RNF43: variants seen among roughly 807,000 people sequenced by gnomAD.
RNF43 encodes the protein ring finger protein 43, also known as E3 ubiquitin-protein ligase RNF43.
Under a neutral mutation model 78.4 loss-of-function variants are expected in RNF43, and 37 were observed. That is an observed-to-expected ratio of 0.47 (90% CI 0.36 to 0.62). The LOEUF (loss-of-function observed/expected upper bound fraction) is 0.62, where lower values mean the gene tolerates loss of function less well. Ranked by LOEUF, RNF43 falls within the 20% of genes least tolerant of loss-of-function variation. The pLI is 0.00. For missense variants in RNF43, 774 were observed against 1,007.9 expected (o/e 0.77, Z 3.14); for synonymous variants, 347 against 395.0 (o/e 0.88, Z 1.44).
chr17:58,363,314 C>T lies in RNF43; in HGVS notation c.543G>A (p.Lys181=). Residue 181 remains lysine, a synonymous_variant, in exon 5 of 10, where the codon AAG becomes AAA. Transcript: ENST00000407977. ...CCTTCAGCTCAATCCTCACATGGGC[C>T]TTTTGGTTCTTGTACACAAACTCCA... ...KLMEFVYKNQ[K]AHVRIELKEP... is the part of the protein sequence containing the mutation. 3 of 1,614,152 alleles carry T rather than the reference C, an allele frequency of 1.9e-6. No homozygotes were observed. The highest frequency in any genetic ancestry group is 2.5e-6 in the Non-Finnish European group (3 of 1,180,028).
chr17:58,355,948 T>C (rs1435676423), intron 9 of RNF43, among the ~76,000 whole-genome samples: 1 of 152,122 alleles, frequency 6.6e-6, no homozygotes, highest in Non-Finnish European at 1.5e-5. Context: ...CTAGCCAAGA[T>C]ACAGTTAACA....
At chr17:58,370,870 G>C (rs1244805812) in intron 3 of RNF43, 41 bp downstream of exon 3, 1 of 1,522,162 alleles carries the variant, frequency 6.6e-7, no homozygotes, top group African/African-American at 1.4e-5. Flanking sequence ...CCCAGAGCTG[G>C]GTGAAGCTCC....
chr17:58,368,549 T>TA lies in RNF43; in HGVS notation c.375+2361dup, dbSNP rs1300899429. Among the ~76,000 whole-genome samples the TA allele has an allele frequency of 9.9e-3, 1,033 of 104,480 alleles. 7 individuals carry two copies. The highest frequency in any genetic ancestry group is 0.03 in the African/African-American group (842 of 27,704). 68.5% of individuals were successfully genotyped at this position (104,480 alleles called of 152,430 possible). A position where few individuals can be genotyped will look rare whatever the true frequency, so the allele number is the denominator to read the frequency against. Reference sequence around the variant, plus strand: ...GCAACAGAGCGAGACTCCATCTCGTTAAAAAAAAAAAAAATTAGCTGGGTA... The same window carrying TA: ...GCAACAGAGCGAGACTCCATCTCGTTAAAAAAAAAAAAAAATTAGCTGGGTA... On this transcript the variant is annotated intron_variant, in intron 3 of 9. Transcript: ENST00000407977.
At chr17:58,356,573 G>A (rs201816827) in intron 9 of RNF43, among the ~76,000 whole-genome samples, 2 of 152,288 alleles carry the variant, frequency 1.3e-5, no homozygotes, top group East Asian at 3.9e-4. Flanking sequence ...ATGATGTGTT[G>A]AAGGGAAGTC....
At chr17:58,415,173 A>G (rs1233524953) in intron 2 of RNF43, among the ~76,000 whole-genome samples, 153 bp downstream of exon 2, 1 of 152,214 alleles carries the variant, frequency 6.6e-6, no homozygotes, top group Non-Finnish European at 1.5e-5. Context: ...ATAATTTGCT[A>G]AATTTAGAAT....
At chr17:58,392,508 T>C (rs2680694) in intron 2 of RNF43, among the ~76,000 whole-genome samples, 128,792 of 152,258 alleles carry the variant, frequency 0.85, 54,801 homozygotes, top group East Asian at 1. Flanking sequence ...ACAACTAAGA[T>C]GTATAAATCT....
intron 2 of RNF43, among the ~76,000 whole-genome samples, chr17:58,408,579 T>C (rs1018846516): frequency 6.6e-6 from 1 of 152,174 alleles, no homozygotes; most frequent in African/African-American, 2.4e-5. Flanking sequence ...AAAAATCCTG[T>C]GTAAAGGAGC....
intron 3 of RNF43, 34 bp from the exon 4 acceptor site, chr17:58,363,634 T>C (rs2143475213): frequency 1.3e-6 from 2 of 1,588,732 alleles, no homozygotes; most frequent in Non-Finnish European, 1.7e-6. Context: ...TGGGCTGAGG[T>C]CAGGGAAGGA....
At chr17:58,404,839 G>A (rs1256275145) in intron 2 of RNF43, among the ~76,000 whole-genome samples, 3 of 151,798 alleles carry the variant, frequency 2.0e-5, no homozygotes, top group Non-Finnish European at 4.4e-5. Context: ...CCAATATGTT[G>A]AATTCTGTTT....
intron 2 of RNF43, among the ~76,000 whole-genome samples, chr17:58,384,003 G>A (rs1211639976): frequency 6.6e-6 from 1 of 152,016 alleles, no homozygotes; most frequent in Non-Finnish European, 1.5e-5. Flanking sequence ...AGCTTGATCA[G>A]CTCTCCAGCC....
intron 2 of RNF43, among the ~76,000 whole-genome samples, chr17:58,377,074 T>G (rs1811202): frequency 0.39 from 58,671 of 151,886 alleles, 11,796 homozygotes; most frequent in East Asian, 0.6. Context: ...TTTTTTCCCC[T>G]CCCTCCCAAG....
At chr17:58,356,943 G>C in intron 9 of RNF43, 1 of 386,790 alleles carries the variant, frequency 2.6e-6, no homozygotes, top group Middle Eastern at 7.5e-4. Flanking sequence ...ACCCAGGCTG[G>C]AGTGCAGTGG....
chr17:58,377,440 C>T (rs973618967), intron 2 of RNF43, among the ~76,000 whole-genome samples: 3 of 152,180 alleles, frequency 2.0e-5, no homozygotes, highest in African/African-American at 7.2e-5. Context: ...CCCTCCTGTT[C>T]TCAGCCCTCC....
At chr17:58,381,482 C>T (rs752749226) in intron 2 of RNF43, among the ~76,000 whole-genome samples, 7 of 152,182 alleles carry the variant, frequency 4.6e-5, no homozygotes, top group Non-Finnish European at 8.8e-5. Context: ...CTAGATGCAA[C>T]AGGAGAGTGG....
At chr17:58,385,339 A>G (rs1973409271) in intron 2 of RNF43, among the ~76,000 whole-genome samples, 1 of 152,198 alleles carries the variant, frequency 6.6e-6, no homozygotes, top group African/African-American at 2.4e-5. Flanking sequence ...TCAAACTTAA[A>G]TATACCAAAC....
Position 58,360,113 on chromosome 17 carries a change from G to T in RNF43, c.952+36C>A. On this transcript the variant is annotated intron_variant, in intron 8 of 9. Transcript: ENST00000407977. The surrounding 1 kb of genome is among the most constrained non-coding windows in gnomAD (Gnocchi z 4.3). ...GGGAAGCCACATTCTAGACCTGTCT[G>T]CCTACACAGAGGGGAGTCCTTGGCC... is the stretch of plus-strand genomic sequence containing the variant. 1 of 1,501,338 alleles carries T rather than the reference G, an allele frequency of 6.7e-7. No individual in the cohort carries two copies. The highest frequency in any genetic ancestry group is 9.3e-7 in the Non-Finnish European group (1 of 1,078,544). 93.0% of individuals were successfully genotyped at this position (1,501,338 alleles called of 1,614,324 possible). A position where few individuals can be genotyped will look rare whatever the true frequency, so the allele number is the denominator to read the frequency against.
At chr17:58,364,468 G>T (rs566986552) in intron 3 of RNF43, among the ~76,000 whole-genome samples, 25 of 152,314 alleles carry the variant, frequency 1.6e-4, no homozygotes, top group African/African-American at 6.0e-4. Flanking sequence ...GAATCCAGGG[G>T]GTGTGTGTAG....
At chr17:58,397,375 T>C (rs1265685614) in intron 2 of RNF43, among the ~76,000 whole-genome samples, 1 of 152,100 alleles carries the variant, frequency 6.6e-6, no homozygotes, top group African/African-American at 2.4e-5. Flanking sequence ...TAATAAAAGT[T>C]TTTGGCCAGG....
chr17:58,357,955 C>T lies in RNF43; in HGVS notation c.1821G>A (p.Ser607=), dbSNP rs200680078. 6.1e-4 allele frequency: 980 copies of T among 1,611,506 alleles called. 7 individuals carry two copies. The East Asian group carries it at 6.9e-3, about 11-fold the overall frequency. ...GGCACTGTGGGTTAGAGAGCCGCCC[C>T]GAAGGGGCTGCTGAGTTGGATCTGG... ...QVTRSNSAAP[S]GRLSNPQCPR... Residue 607 remains serine (S), a synonymous_variant, in exon 9 of 10, where the codon TCG becomes TCA. Coordinates refer to ENST00000407977, the MANE Select transcript of RNF43 (RefSeq NM_017763.6). The surrounding 1 kb of genome is among the most constrained non-coding windows in gnomAD (Gnocchi z 4.5).
Sources: gnomAD v4.1 joint callset for allele counts (sites outside exome capture counted in the v4.1 genomes callset) on GRCh38, gnomAD v4.1.1 for gene constraint, Gnocchi (gnomAD v3.1) non-coding constraint, MANE v1.5 for transcripts, NCBI Gene and HGNC (gene_info 2026-07-23, HGNC 2026-07-21) for gene names.